Variants in RGS7 observed in about 807,000 individuals in gnomAD.
RGS7 encodes regulator of G-protein signaling 7.
Under a neutral mutation model 81.1 loss-of-function variants are expected in RGS7, and 27 were observed. The observed-to-expected ratio is 0.33, with a 90% confidence interval of 0.25 to 0.46. The LOEUF is 0.46. RGS7 is among the 20% of genes least tolerant of loss of function. RGS7 has a pLI of 1.00. For missense variants in RGS7, 396 were observed against 607.4 expected, an observed-to-expected ratio of 0.65 and a Z score of 3.66; for synonymous variants, 208 against 207.7, an observed-to-expected ratio of 1.00 and a Z score of -0.01.
chr1:241,321,171 T>C (rs1006257816), intron 2 of RGS7, among the ~76,000 whole-genome samples: 1 of 152,228 alleles, frequency 6.6e-6, no homozygotes, highest in Non-Finnish European at 1.5e-5. Context: ...GAGTAGGTAG[T>C]ATAAATTTCT....
rs111445328 is a variant in RGS7 at position 241,195,500 on chromosome 1, T to TA, written c.79-96739dup. On this transcript the variant is annotated intron_variant, in intron 2 of 18. Coordinates refer to ENST00000440928, the MANE Select transcript of RGS7 (RefSeq NM_001364886.1). ...TAAAATAAATAAATAAATAAATAAA[T>TA]AAAGATTTGACCAGCTAACAAGAGG... is the stretch of plus-strand genomic sequence containing the variant. Among the ~76,000 whole-genome samples, 711 of 151,522 alleles carry TA rather than the reference T, an allele frequency of 4.7e-3. 7 individuals are homozygous for TA. The highest frequency in any genetic ancestry group is 0.016 in the African/African-American group (678 of 41,292).
intron 5 of RGS7, among the ~76,000 whole-genome samples, chr1:240,931,716 T>C (rs936340334): frequency 6.6e-6 from 1 of 152,208 alleles, no homozygotes; most frequent in African/African-American, 2.4e-5. Context: ...AGTGTCTTAA[T>C]TGAGTGATAC....
rs1334457493 is a variant in RGS7 at position 240,855,910 on chromosome 1, T to A, written c.609+12677A>T. Among the ~76,000 whole-genome samples, 4 of 152,238 alleles carry A rather than the reference T, an allele frequency of 2.6e-5. No homozygotes were observed. In the East Asian group the frequency reaches 5.8e-4, roughly 22 times the overall value. On this transcript the variant is annotated intron_variant, in intron 9 of 18. Transcript: ENST00000440928. The stretch of plus-strand genomic sequence containing the variant: ...TTAAAATAAAATATATTGAAAAAAA[T>A]TGTCATCTCTTTGTCTTAATTTATG...
At chr1:241,219,479 A>T (rs1181812426) in intron 2 of RGS7, among the ~76,000 whole-genome samples, 1 of 152,210 alleles carries the variant, frequency 6.6e-6, no homozygotes, top group East Asian at 1.9e-4. Flanking sequence ...CTTTATCAGC[A>T]GCATGAAAAC....
chr1:240,918,078 T>C (rs964902795), intron 6 of RGS7, among the ~76,000 whole-genome samples: 1 of 152,196 alleles, frequency 6.6e-6, no homozygotes, highest in Non-Finnish European at 1.5e-5. Context: ...GTGTATGTGC[T>C]TAACGACAGA....
At chr1:241,096,404 T>C (rs1188815381) in intron 3 of RGS7, among the ~76,000 whole-genome samples, 1 of 151,968 alleles carries the variant, frequency 6.6e-6, no homozygotes, top group Non-Finnish European at 1.5e-5. Context: ...AGCTGATAAG[T>C]GCTAGACATA....
intron 3 of RGS7, among the ~76,000 whole-genome samples, chr1:241,066,931 G>C (rs2062097575): frequency 6.6e-6 from 1 of 152,198 alleles, no homozygotes; most frequent in Non-Finnish European, 1.5e-5. Flanking sequence ...TGGAAAGAGA[G>C]GACAAGAAAT....
At chr1:241,294,146 C>T (rs11591178) in intron 2 of RGS7, among the ~76,000 whole-genome samples, 24,776 of 152,012 alleles carry the variant, frequency 0.16, 2,242 homozygotes, top group African/African-American at 0.22. Flanking sequence ...TGCTGGGACA[C>T]GGATGAAGCT....
intron 2 of RGS7, among the ~76,000 whole-genome samples, chr1:241,185,067 T>C (rs2071973186): frequency 6.6e-6 from 1 of 152,180 alleles, no homozygotes; most frequent in Non-Finnish European, 1.5e-5. Flanking sequence ...TTCTTGTACA[T>C]TCCTTAAATC....
intron 3 of RGS7, among the ~76,000 whole-genome samples, chr1:241,033,216 T>A (rs1229965617): frequency 3.9e-5 from 6 of 152,228 alleles, no homozygotes; most frequent in African/African-American, 1.4e-4. Context: ...CTGGGCGTGA[T>A]GGTGCACACC....
Position 240,932,758 on chromosome 1 carries a change from T to G in RGS7, c.334-1990A>C, listed in dbSNP as rs572281408. ...CTCCTGACCTCGTGATCCGCCTGCCTCGGCCTCCCAAAGTGCTGGGATTAC... is the reference window on the plus strand; with the variant it reads ...CTCCTGACCTCGTGATCCGCCTGCCGCGGCCTCCCAAAGTGCTGGGATTAC... On this transcript the variant is annotated intron_variant, in intron 5 of 18. Coordinates refer to ENST00000440928, the MANE Select transcript of RGS7 (RefSeq NM_001364886.1). Among the ~76,000 whole-genome samples the G allele has an allele frequency of 3.5e-4, 53 of 151,128 alleles. No homozygotes were observed. In the East Asian group the frequency reaches 9.4e-3, roughly 27 times the overall value.
chr1:241,311,969 G>C (rs1191192668), intron 2 of RGS7, among the ~76,000 whole-genome samples: 1 of 152,186 alleles, frequency 6.6e-6, no homozygotes, highest in Non-Finnish European at 1.5e-5. Flanking sequence ...ATGAACATTT[G>C]ATGGTTTGAA....
In RGS7 at chr1:240,870,070, G is replaced by C; in HGVS notation, c.435C>G (p.Leu145=). 1 of 1,613,956 alleles carries C rather than the reference G, an allele frequency of 6.2e-7. No homozygotes were observed. The change falls in exon 7 of 19, where the codon CTC becomes CTG. Residue 145 remains leucine (L), a synonymous_variant. Coordinates refer to ENST00000440928, the MANE Select transcript of RGS7 (RefSeq NM_001364886.1). ...RTMQNKARLE[L]ADYEAESLAR... ...TGGTACTTACAGCCTCATAGTCTGC[G>C]AGCTCCAGTCGTGCCTTGTTTTGCA...
At position 240,911,959 on chromosome 1, in the gene RGS7, G is replaced by A. The variant is rs191132666; in HGVS notation, c.385+18758C>T. Among the ~76,000 whole-genome samples the A allele has an allele frequency of 4.6e-4, 69 of 150,976 alleles. No individual in the cohort carries two copies. In the East Asian group the frequency reaches 0.012, roughly 26 times the overall value. On this transcript the variant is annotated intron_variant, in intron 6 of 18. Transcript: ENST00000440928. ...GATGGAGACTATCCTGGCTAACACGGTGAAACCTGGTCTCTACTAAAAATA... is the reference window on the plus strand; with the variant it reads ...GATGGAGACTATCCTGGCTAACACGATGAAACCTGGTCTCTACTAAAAATA...
intron 3 of RGS7, chr1:240,998,569 C>T (rs1004841525): frequency 1.2e-6 from 1 of 825,726 alleles, no homozygotes; most frequent in East Asian, 2.6e-5. Context: ...CCTGCTGGTA[C>T]AGATAGAGCC....
Position 240,936,648 on chromosome 1 carries a change from T to G in RGS7, c.285A>C (p.Ser95=). 2 of 1,613,832 alleles carry G rather than the reference T, an allele frequency of 1.2e-6. No individual in the cohort carries two copies. Among genetic ancestry groups the G allele is most frequent in the Non-Finnish European group, 8.5e-7 (1 of 1,179,734 alleles). The stretch of plus-strand genomic sequence containing the variant: ...CATCCTTGAGTGTGAGGACATGATC[T>G]GAGATTGGAAAGAAGTAGCCGTGGG... The part of the protein sequence containing the change: ...MAAHGYFFPI[S]DHVLTLKDDG... Residue 95 remains serine, a synonymous_variant, in exon 5 of 19, where the codon TCA becomes TCC. Transcript: ENST00000440928.
intron 2 of RGS7, among the ~76,000 whole-genome samples, chr1:241,238,020 C>T (rs1185224686): frequency 1.3e-5 from 2 of 152,190 alleles, no homozygotes; most frequent in Non-Finnish European, 2.9e-5. Flanking sequence ...AGCCCTGAAG[C>T]TGAGTGATCA....
At chr1:240,851,875 G>A (rs946815337) in intron 9 of RGS7, among the ~76,000 whole-genome samples, 2 of 152,150 alleles carry the variant, frequency 1.3e-5, no homozygotes, top group African/African-American at 4.8e-5. Context: ...GATAAAACTC[G>A]AACAAAGGGG....
At chr1:240,972,848 C>CCAAA (rs1683463668) in intron 4 of RGS7, among the ~76,000 whole-genome samples, 1 of 74,990 alleles carries the variant, frequency 1.3e-5, no homozygotes, top group Non-Finnish European at 2.6e-5. Flanking sequence ...CCCCGCCTCT[C>CCAAA]AAAAAAAAAA....
Sources: allele counts gnomAD v4.1 joint callset (sites outside exome capture counted in the v4.1 genomes callset), GRCh38; gene constraint gnomAD v4.1.1; transcripts MANE v1.5; gene names NCBI Gene and HGNC (gene_info 2026-07-23, HGNC 2026-07-21).